COL23A1: variants seen among roughly 807,000 people sequenced by gnomAD.
COL23A1 encodes the protein collagen alpha-1(XXIII) chain.
A neutral mutation model predicts 99.3 loss-of-function variants in COL23A1; 97 were observed. The ratio of observed to expected loss-of-function variants is 0.98; its 90% confidence interval spans 0.83 to 1.16. COL23A1 has a LOEUF of 1.16. COL23A1 is among the 50% of genes most tolerant of loss of function. COL23A1 has a pLI of 0.00. For missense variants in COL23A1, 762 were observed against 757.4 expected, an observed-to-expected ratio of 1.01 and a Z score of -0.07; for synonymous variants, 320 against 308.2, an observed-to-expected ratio of 1.04 and a Z score of -0.40.
At chr5:178,358,020 G>GTGTGCATGCGTA (rs1554145048) in intron 2 of COL23A1, among the ~76,000 whole-genome samples, 7 of 142,730 alleles carry the variant, frequency 4.9e-5, no homozygotes, top group African/African-American at 1.8e-4. Context: ...GTGTGTATGT[G>GTGTGCATGCGTA]TGTGTATGCG....
At chr5:178,519,618 T>G (rs1301680656) in intron 2 of COL23A1, among the ~76,000 whole-genome samples, 2 of 152,238 alleles carry the variant, frequency 1.3e-5, no homozygotes, top group Non-Finnish European at 1.5e-5. Context: ...GCTGGATGCA[T>G]CTCACAGGTG....
chr5:178,378,861 A>G (rs1360996599), intron 2 of COL23A1, among the ~76,000 whole-genome samples: 2 of 152,154 alleles, frequency 1.3e-5, no homozygotes, highest in Non-Finnish European at 2.9e-5. Flanking sequence ...AAGCTTGCCC[A>G]ACAGGTCTGA....
In COL23A1 at chr5:178,386,585, G is replaced by T. The variant is rs566054320; in HGVS notation, c.362-79666C>A. On this transcript the variant is annotated intron_variant, in intron 2 of 28. Coordinates refer to ENST00000390654, the MANE Select transcript of COL23A1 (RefSeq NM_173465.4). ...GGATATGAGTCTGTGTGTCACCAGAGGGGGGTCGGGGTGGGTGAGTGTTTG... is the reference window on the plus strand; with the variant it reads ...GGATATGAGTCTGTGTGTCACCAGATGGGGGTCGGGGTGGGTGAGTGTTTG... 2.0e-5 allele frequency among the ~76,000 whole-genome samples: 3 copies of T among 151,370 alleles called. No homozygotes were observed. In the East Asian group the frequency reaches 5.8e-4, roughly 29 times the overall value.
At chr5:178,272,117 C>T (rs995965423) in intron 5 of COL23A1, among the ~76,000 whole-genome samples, 13 of 152,214 alleles carry the variant, frequency 8.5e-5, no homozygotes, top group Non-Finnish European at 1.9e-4. Flanking sequence ...CCTCATCCCT[C>T]GGCTCTCTGT....
intron 1 of COL23A1, among the ~76,000 whole-genome samples, chr5:178,587,010 C>A (rs1314654391): frequency 1.3e-5 from 2 of 152,184 alleles, no homozygotes; most frequent in East Asian, 3.8e-4. Context: ...CCATTGTAAG[C>A]TGGCATGGTC....
chr5:178,490,959 T>C (rs116410424), intron 2 of COL23A1, among the ~76,000 whole-genome samples: 7 of 152,272 alleles, frequency 4.6e-5, no homozygotes, highest in African/African-American at 1.7e-4. Context: ...TTATAATTCA[T>C]TCTTTCTTTA....
chr5:178,444,276 TTC>T (rs1186455105), intron 2 of COL23A1, among the ~76,000 whole-genome samples: 6 of 152,078 alleles, frequency 3.9e-5, no homozygotes, highest in Non-Finnish European at 1.5e-5. Flanking sequence ...ATCTAGGTAG[TTC>T]TGTTTTATTA....
chr5:178,486,225 G>C (rs561851), intron 2 of COL23A1, among the ~76,000 whole-genome samples: 1 of 152,180 alleles, frequency 6.6e-6, no homozygotes, highest in Non-Finnish European at 1.5e-5. Context: ...GGGAGTGTTC[G>C]ACAAGATTCA....
chr5:178,487,875 T>A (rs1159753988), intron 2 of COL23A1, among the ~76,000 whole-genome samples: 1 of 152,222 alleles, frequency 6.6e-6, no homozygotes, highest in South Asian at 2.1e-4. Context: ...CTGCTCTAGG[T>A]CATCAGCTTT....
At chr5:178,257,914 G>A (rs1388479930) in intron 12 of COL23A1, among the ~76,000 whole-genome samples, 2 of 152,188 alleles carry the variant, frequency 1.3e-5, no homozygotes, top group African/African-American at 4.8e-5. Flanking sequence ...AAATAAATAC[G>A]AGGTTGGCTG....
chr5:178,280,330 G>A lies in COL23A1; in HGVS notation c.441+7994C>T, dbSNP rs575549955. On this transcript the variant is annotated intron_variant, in intron 5 of 28. Coordinates refer to ENST00000390654, the MANE Select transcript of COL23A1 (RefSeq NM_173465.4). The surrounding 1 kb of genome is among the most constrained non-coding windows in gnomAD (Gnocchi z 4.9). ...TGGTAATGGACAGAGCAGTGGGAAC[G>A]GTCCCTGAACCCAGTCCGTGTGCCC... is the stretch of plus-strand genomic sequence containing the variant. Among the ~76,000 whole-genome samples the A allele has an allele frequency of 3.9e-4, 59 of 152,284 alleles. No homozygotes were observed. The highest frequency in any genetic ancestry group is 6.8e-4 in the Non-Finnish European group (46 of 68,026).
At chr5:178,285,939 T>C (rs1757126517) in intron 5 of COL23A1, among the ~76,000 whole-genome samples, 1 of 151,984 alleles carries the variant, frequency 6.6e-6, no homozygotes, top group South Asian at 2.1e-4. Flanking sequence ...CTGAGCGGGG[T>C]GTCTGCCCCA....
At chr5:178,326,872 A>C (rs1423088566) in intron 2 of COL23A1, among the ~76,000 whole-genome samples, 1 of 152,214 alleles carries the variant, frequency 6.6e-6, no homozygotes, top group Non-Finnish European at 1.5e-5. Context: ...GGCGCCTGCC[A>C]CCACGCCTGG....
At chr5:178,496,121 C>T (rs1758186865) in intron 2 of COL23A1, among the ~76,000 whole-genome samples, 1 of 152,168 alleles carries the variant, frequency 6.6e-6, no homozygotes, top group South Asian at 2.1e-4. Context: ...ACTGAACGAG[C>T]TTGTCCAGGG....
At chr5:178,344,642 C>T (rs1190857069) in intron 2 of COL23A1, among the ~76,000 whole-genome samples, 1 of 146,290 alleles carries the variant, frequency 6.8e-6, no homozygotes, top group Non-Finnish European at 1.5e-5. Flanking sequence ...GATTCTGTCT[C>T]AAAAAAAAAA....
chr5:178,466,678 C>CA (rs1439013473), intron 2 of COL23A1, among the ~76,000 whole-genome samples: 1 of 152,250 alleles, frequency 6.6e-6, no homozygotes, highest in African/African-American at 2.4e-5. Flanking sequence ...GCCCCTTGGC[C>CA]ATGCTGGAAA....
chr5:178,417,243 C>T (rs979344206), intron 2 of COL23A1, among the ~76,000 whole-genome samples: 1 of 152,208 alleles, frequency 6.6e-6, no homozygotes, highest in Non-Finnish European at 1.5e-5. Flanking sequence ...ATCTGTTCAA[C>T]AGAAGGATGT....
chr5:178,385,494 T>C (rs972675739), intron 2 of COL23A1, among the ~76,000 whole-genome samples: 1 of 152,230 alleles, frequency 6.6e-6, no homozygotes, highest in African/African-American at 2.4e-5. Flanking sequence ...GGCTCCAGAC[T>C]GTTGGAGCCC....
intron 2 of COL23A1, among the ~76,000 whole-genome samples, chr5:178,454,795 G>A (rs996218952): frequency 1.1e-4 from 16 of 152,198 alleles, no homozygotes; most frequent in African/African-American, 3.6e-4. Context: ...CCTTTATTGC[G>A]TGTATTAGTT....
Sources: allele counts gnomAD v4.1 joint callset (sites outside exome capture counted in the v4.1 genomes callset), GRCh38; gene constraint gnomAD v4.1.1; non-coding constraint Gnocchi (gnomAD v3.1); transcripts MANE v1.5; gene names NCBI Gene and HGNC (gene_info 2026-07-23, HGNC 2026-07-21).